MSH5: variants seen among roughly 807,000 people sequenced by gnomAD.
The protein encoded by MSH5 is mutS homolog 5.
MSH5 carries 78 observed loss-of-function variants against 107.7 expected under a neutral mutation model. The ratio of observed to expected loss-of-function variants is 0.72; its 90% confidence interval spans 0.60 to 0.87. The LOEUF (loss-of-function observed/expected upper bound fraction) is 0.87, where lower values mean the gene tolerates loss of function less well. MSH5 is among the 40% of genes least tolerant of loss of function. The pLI, the probability that MSH5 is intolerant of heterozygous loss-of-function variation, is 0.00. For missense variants in MSH5, 889 were observed against 1,046.6 expected (o/e 0.85, Z 2.08); for synonymous variants, 326 against 399.5 (o/e 0.82, Z 2.19).
In MSH5 at chr6:31,753,565, A is replaced by G. The variant is rs143453834; in HGVS notation, c.952-2A>G. 7.5e-5 allele frequency: 121 copies of G among 1,614,014 alleles called. No individual in the cohort carries two copies. The highest frequency in any genetic ancestry group is 9.6e-5 in the Non-Finnish European group (113 of 1,180,036). On this transcript the variant is annotated splice_acceptor_variant, in intron 11 of 24. Coordinates refer to ENST00000375750, the MANE Select transcript of MSH5 (RefSeq NM_172166.4). LOFTEE classifies it high-confidence loss of function. Reference sequence around the variant, plus strand: ...AGCGGCTGTAACCTTGTCTGACTGTAGCTGATTCTGAAACGCATGAAGTTG... The same window carrying G: ...AGCGGCTGTAACCTTGTCTGACTGTGGCTGATTCTGAAACGCATGAAGTTG...
Position 31,760,855 on chromosome 6 carries a change from G to C in MSH5, c.1962+16G>C. ...CCTCAACCAGGTCAAAGGGAACAAA[G>C]GGAGGTGGGATTGAGGAAGGGGATA... On this transcript the variant is annotated intron_variant, in intron 20 of 24. Transcript: ENST00000375750. This position sits in a 1 kb window ranked among gnomAD's most constrained non-coding sequence, Gnocchi z 5.6. 1 of 1,609,174 alleles carries C rather than the reference G, an allele frequency of 6.2e-7. No individual in the cohort carries two copies. The highest frequency in any genetic ancestry group is 1.7e-4 in the Middle Eastern group (1 of 5,956).
In MSH5 at chr6:31,760,080, C is replaced by A; in HGVS notation, c.1686-10C>A. 1 of 1,601,522 alleles carries A rather than the reference C, an allele frequency of 6.2e-7. No individual in the cohort carries two copies. The highest frequency in any genetic ancestry group is 8.5e-7 in the Non-Finnish European group (1 of 1,172,816). On this transcript the variant is annotated splice_polypyrimidine_tract_variant and intron_variant, in intron 18 of 24. Transcript: ENST00000375750. The surrounding 1 kb of genome is among the most constrained non-coding windows in gnomAD (Gnocchi z 5.6). ...ACAAGCCATGCGAGGTGCCTCTCCG[C>A]CCACTGCAGACATCCTCTGATGGAA...
chr6:31,758,403 A>T lies in MSH5; in HGVS notation c.1143+110A>T. The T allele has an allele frequency of 6.4e-7, 1 of 1,566,320 alleles. No homozygotes were observed. Among genetic ancestry groups the T allele is most frequent in the Non-Finnish European group, 8.7e-7 (1 of 1,144,518 alleles). On this transcript the variant is annotated intron_variant, in intron 13 of 24. Transcript: ENST00000375750. The surrounding 1 kb of genome is among the most constrained non-coding windows in gnomAD (Gnocchi z 5.1). ...TGAGGTCAATTGGATAAAGAATGGGATGGTGGGAGGAGGCAGCAGAACTTC... is the reference window on the plus strand; with the variant it reads ...TGAGGTCAATTGGATAAAGAATGGGTTGGTGGGAGGAGGCAGCAGAACTTC...
At chr6:31,743,224 C>T (rs1226449549) in intron 5 of MSH5, 54 bp downstream of exon 5, 3 of 1,557,184 alleles carry the variant, frequency 1.9e-6, no homozygotes, top group African/African-American at 1.4e-5. Context: ...CCCATTCTTT[C>T]CCCCAACTCT....
Position 31,759,995 on chromosome 6 carries a change from G to A in MSH5, c.1685+20G>A, listed in dbSNP as rs1810830585. The A allele has an allele frequency of 5.6e-6, 9 of 1,613,490 alleles. No homozygotes were observed. The highest frequency in any genetic ancestry group is 6.8e-6 in the Non-Finnish European group (8 of 1,179,830). On this transcript the variant is annotated intron_variant, in intron 18 of 24. Coordinates refer to ENST00000375750, the MANE Select transcript of MSH5 (RefSeq NM_172166.4). This position sits in a 1 kb window ranked among gnomAD's most constrained non-coding sequence, Gnocchi z 4.7. ...TGGCAGGTAAGAATAGAGGCGGGTG[G>A]AGGAATAGACATGAGGGGCCCAAAG...
intron 12 of MSH5, 199 bp from the exon 13 acceptor site, chr6:31,757,966 G>T: frequency 1.5e-6 from 1 of 664,936 alleles, no homozygotes; most frequent in South Asian, 2.0e-5. Flanking sequence ...CACTGTGCCT[G>T]GCCAGGACCA....
At chr6:31,751,183 A>G (rs1809922186) in intron 10 of MSH5, among the ~76,000 whole-genome samples, 1 of 152,036 alleles carries the variant, frequency 6.6e-6, no homozygotes, top group Non-Finnish European at 1.5e-5. Flanking sequence ...TTTTTAGTAG[A>G]GACGGGGTTT....
chr6:31,742,363 T>G (rs926789043), intron 3 of MSH5, among the ~76,000 whole-genome samples: 101 of 152,300 alleles, frequency 6.6e-4, no homozygotes, highest in African/African-American at 2.3e-3. Flanking sequence ...ATTCAAGCAA[T>G]TCTCCTGCCT....
chr6:31,746,566 A>G (rs1008548883), intron 9 of MSH5, among the ~76,000 whole-genome samples: 1 of 151,214 alleles, frequency 6.6e-6, no homozygotes, highest in Non-Finnish European at 1.5e-5. Flanking sequence ...ATCCTACCTC[A>G]GCCTCCTGAA....
chr6:31,756,079 A>G lies in MSH5; in HGVS notation c.1015-2086A>G, dbSNP rs547501310. 4.6e-5 allele frequency among the ~76,000 whole-genome samples: 7 copies of G among 152,114 alleles called. No individual in the cohort carries two copies. In the South Asian group the frequency reaches 1.2e-3, roughly 27 times the overall value. On this transcript the variant is annotated intron_variant, in intron 12 of 24. Transcript: ENST00000375750. ...TTTTTCAATACTGTTTTAGAAGTAG[A>G]GGAACATAATGTCTGATATGTCCGA...
Position 31,759,965 on chromosome 6 carries a change from C to G in MSH5, c.1675C>G (p.Gln559Glu). The G allele has an allele frequency of 2.5e-6, 4 of 1,614,194 alleles. No individual in the cohort carries two copies. The highest frequency in any genetic ancestry group is 3.4e-6 in the Non-Finnish European group (4 of 1,180,026). Residue 559 changes from glutamine to glutamate, a missense_variant, in exon 18 of 25, where the codon CAG becomes GAG. By Grantham distance (29) the Gln-to-Glu change is conservative (BLOSUM62 2). Coordinates refer to ENST00000375750, the MANE Select transcript of MSH5 (RefSeq NM_172166.4). This position sits in a 1 kb window ranked among gnomAD's most constrained non-coding sequence, Gnocchi z 4.7. ...CCCACAAGTCCTTGGGGTACGAATCCAGAATGGCAGGTAAGAATAGAGGCG... is the reference window on the plus strand; with the variant it reads ...CCCACAAGTCCTTGGGGTACGAATCGAGAATGGCAGGTAAGAATAGAGGCG... ...YSPQVLGVRIQNGRHPLMELC... is the reference protein window; with the variant it reads ...YSPQVLGVRIENGRHPLMELC...
chr6:31,761,046 G>A lies in MSH5; in HGVS notation c.1963-142G>A. 9.9e-7 allele frequency: 1 copy of A among 1,007,738 alleles called. No individual in the cohort carries two copies. The highest frequency in any genetic ancestry group is 1.5e-6 in the Non-Finnish European group (1 of 683,312). 62.4% of individuals were successfully genotyped at this position (1,007,738 alleles called of 1,614,324 possible). A position where few individuals can be genotyped will look rare whatever the true frequency, so the allele number is the denominator to read the frequency against. On this transcript the variant is annotated intron_variant, in intron 20 of 24. Coordinates refer to ENST00000375750, the MANE Select transcript of MSH5 (RefSeq NM_172166.4). The surrounding 1 kb of genome is among the most constrained non-coding windows in gnomAD (Gnocchi z 5.3). ...GTGAGTCACTGTTGGCAAAGAGGAT[G>A]AACAAAGCGTGCACCTCACCATTCA...
intron 23 of MSH5, 57 bp downstream of exon 23, chr6:31,762,012 T>A: frequency 6.2e-7 from 1 of 1,612,950 alleles, no homozygotes; most frequent in Non-Finnish European, 8.5e-7. Flanking sequence ...TCATTCCTAG[T>A]CCTACTGGGC....
In MSH5 at chr6:31,753,422, C is replaced by G; in HGVS notation, c.934C>G (p.His312Asp). Residue 312 changes from histidine (H) to aspartate (D), a missense_variant, in exon 11 of 25, where the codon CAC becomes GAC. By Grantham distance (81) the His-to-Asp change is moderately conservative (BLOSUM62 -1). Around this residue, in one of 3 missense-constraint regions of MSH5, gnomAD observed 518 missense variants for 565.0 expected, o/e 0.92. Coordinates refer to ENST00000375750, the MANE Select transcript of MSH5 (RefSeq NM_172166.4). ...TCAGATGCTGCATCGGCTCCTGGGT[C>G]ACATCAAGAACGTGCCTGTGAGCCC... ...MAQMLHRLLG[H>D]IKNVPLILKR... 1 of 1,614,046 alleles carries G rather than the reference C, an allele frequency of 6.2e-7. No homozygotes were observed.
chr6:31,743,268 T>C (rs1809084449), intron 5 of MSH5, 98 bp downstream of exon 5: 4 of 1,323,062 alleles, frequency 3.0e-6, no homozygotes, highest in Non-Finnish European at 4.4e-6. Context: ...CTCTGCCTTA[T>C]GTCATCCTAA....
At chr6:31,756,005 G>A (rs1489487063) in intron 12 of MSH5, among the ~76,000 whole-genome samples, 1 of 148,816 alleles carries the variant, frequency 6.7e-6, no homozygotes. Context: ...TATAGTTTCT[G>A]TAAATTAATA....
At position 31,761,831 on chromosome 6, in the gene MSH5, G is replaced by A. The variant is rs773345589; in HGVS notation, c.2195G>A (p.Cys732Tyr). Residue 732 changes from cysteine to tyrosine, a missense_variant, in exon 23 of 25, where the codon TGT becomes TAT. Cys to Tyr is a radical substitution (Grantham distance 194, BLOSUM62 -2). This residue lies in a region of MSH5 where 362 missense variants were observed against 456.2 expected (regional missense o/e 0.79). Transcript: ENST00000375750. This position sits in a 1 kb window ranked among gnomAD's most constrained non-coding sequence, Gnocchi z 5.3. ...PLVQYLTMET[C>Y]EDGNDLVFFY... ...TTCTCTTTTAAGACCATGGAGACCT[G>A]TGAGGATGGCAACGATCTTGTCTTC... 4 of 1,613,130 alleles carry A rather than the reference G, an allele frequency of 2.5e-6. No homozygotes were observed. The highest frequency in any genetic ancestry group is 1.7e-6 in the Non-Finnish European group (2 of 1,180,036).
chr6:31,752,479 TTG>T (rs1810049237), intron 10 of MSH5, among the ~76,000 whole-genome samples: 1 of 152,102 alleles, frequency 6.6e-6, no homozygotes, highest in African/African-American at 2.4e-5. Flanking sequence ...TCCCAGCACT[TTG>T]GGAGCCGAGG....
At chr6:31,742,017 G>A (rs1480343491) in intron 3 of MSH5, among the ~76,000 whole-genome samples, 1 of 151,990 alleles carries the variant, frequency 6.6e-6, no homozygotes, top group Admixed American at 6.6e-5. Flanking sequence ...TCCAGGAAGG[G>A]CATTAATCTG....
Sources: allele counts gnomAD v4.1 joint callset (sites outside exome capture counted in the v4.1 genomes callset), GRCh38; gene constraint gnomAD v4.1.1; regional missense constraint gnomAD v4.1.1; non-coding constraint Gnocchi (gnomAD v3.1); transcripts MANE v1.5; gene names NCBI Gene and HGNC (gene_info 2026-07-23, HGNC 2026-07-21).